SCAI: variants seen among roughly 807,000 people sequenced by gnomAD.
SCAI encodes protein SCAI.
SCAI carries 24 observed loss-of-function variants against 92.2 expected under a neutral mutation model. The observed-to-expected ratio is 0.26, with a 90% CI of 0.19 to 0.37. The LOEUF (loss-of-function observed/expected upper bound fraction) is 0.37, where lower values mean the gene tolerates loss of function less well. Ranked by LOEUF, SCAI falls within the 10% of genes least tolerant of loss-of-function variation. SCAI has a pLI of 1.00. For missense variants in SCAI, 450 were observed against 736.2 expected, an observed-to-expected ratio of 0.61 and a Z score of 4.50; for synonymous variants, 261 against 258.6, an observed-to-expected ratio of 1.01 and a Z score of -0.09.
At chr9:125,013,207 C>T (rs1343065696) in intron 9 of SCAI, among the ~76,000 whole-genome samples, 1 of 149,658 alleles carries the variant, frequency 6.7e-6, no homozygotes, top group African/African-American at 2.5e-5. Context: ...AATAGAGACA[C>T]AAAAAACCCT....
intron 5 of SCAI, among the ~76,000 whole-genome samples, chr9:125,028,088 A>G (rs1832997391): frequency 6.6e-6 from 1 of 152,240 alleles, no homozygotes; most frequent in Non-Finnish European, 1.5e-5. Flanking sequence ...AAGACAAGTG[A>G]AGCTGCAAGA....
chr9:125,078,354 A>C (rs778410578), intron 2 of SCAI, among the ~76,000 whole-genome samples: 17 of 151,642 alleles, frequency 1.1e-4, no homozygotes, highest in Non-Finnish European at 1.9e-4. Context: ...TGATGAAACC[A>C]CATCTCTACC....
intron 2 of SCAI, among the ~76,000 whole-genome samples, chr9:125,060,813 G>A (rs1209145284): frequency 6.6e-6 from 1 of 152,112 alleles, no homozygotes; most frequent in Non-Finnish European, 1.5e-5. Flanking sequence ...CCCAGTCTCA[G>A]GTATGTCTTT....
intron 2 of SCAI, among the ~76,000 whole-genome samples, chr9:125,141,283 CT>C (rs1186641404): frequency 6.6e-6 from 1 of 152,188 alleles, no homozygotes; most frequent in Non-Finnish European, 1.5e-5. Flanking sequence ...TCTGTTGGCA[CT>C]TCCACCATCA....
At chr9:125,047,928 A>T (rs1833478951) in intron 3 of SCAI, among the ~76,000 whole-genome samples, 1 of 152,188 alleles carries the variant, frequency 6.6e-6, no homozygotes, top group African/African-American at 2.4e-5. Context: ...TAGAAAATTT[A>T]AAATAACATT....
intron 2 of SCAI, among the ~76,000 whole-genome samples, chr9:125,110,859 C>T (rs1390884636): frequency 6.6e-6 from 1 of 152,124 alleles, no homozygotes; most frequent in Non-Finnish European, 1.5e-5. Context: ...GCTTTGCCTC[C>T]ACCATGAGTA....
At chr9:125,028,537 A>G in intron 4 of SCAI, 59 bp from the exon 5 acceptor site, 1 of 861,212 alleles carries the variant, frequency 1.2e-6, no homozygotes, top group Non-Finnish European at 1.8e-6. Flanking sequence ...AAACTAATCA[A>G]ATCTGTAAAT....
rs373772048 is a variant in SCAI at position 125,128,750 on chromosome 9, C to T, written c.98+13883G>A. Among the ~76,000 whole-genome samples, 141 of 146,126 alleles carry T rather than the reference C, an allele frequency of 9.6e-4. 1 individual carries two copies. The highest frequency in any genetic ancestry group is 3.4e-3 in the African/African-American group (136 of 39,542). ...CCTGGGCGACAGAGCGAAACTCCGT[C>T]TCAAAAAAAAAAAATAAATAATTGA... On this transcript the variant is annotated intron_variant, in intron 2 of 17. Coordinates refer to ENST00000336505, the MANE Select transcript of SCAI (RefSeq NM_001144877.3).
chr9:125,138,704 G>A (rs1391587501), intron 2 of SCAI, among the ~76,000 whole-genome samples: 14 of 151,960 alleles, frequency 9.2e-5, no homozygotes, highest in Admixed American at 1.3e-4. Flanking sequence ...TTGAGCCATC[G>A]TGCCCGGCCC....
chr9:125,014,310 C>G (rs1390276547), intron 9 of SCAI, among the ~76,000 whole-genome samples: 2 of 152,184 alleles, frequency 1.3e-5, no homozygotes, highest in Admixed American at 6.5e-5. Context: ...TCTCCTTAAG[C>G]TGATAAGCAA....
At chr9:124,954,945 T>C (rs920181861) in intron 17 of SCAI, among the ~76,000 whole-genome samples, 4 of 151,938 alleles carry the variant, frequency 2.6e-5, no homozygotes, top group African/African-American at 9.7e-5. Context: ...GCAGGCGGAT[T>C]ATCTGAGGTC....
At chr9:125,089,652 A>C (rs72765272) in intron 2 of SCAI, among the ~76,000 whole-genome samples, 13,910 of 152,106 alleles carry the variant, frequency 0.091, 851 homozygotes, top group Non-Finnish European at 0.13. Context: ...AGTTTGAGGC[A>C]GTAATCTAGC....
intron 9 of SCAI, among the ~76,000 whole-genome samples, chr9:125,015,256 T>C (rs1808447715): frequency 6.6e-6 from 1 of 151,996 alleles, no homozygotes; most frequent in Non-Finnish European, 1.5e-5. Context: ...ACCTACAAGA[T>C]GGGAGAAAAT....
intron 2 of SCAI, among the ~76,000 whole-genome samples, chr9:125,090,290 A>T (rs546543588): frequency 6.6e-6 from 1 of 152,294 alleles, no homozygotes; most frequent in African/African-American, 2.4e-5. Context: ...ATTTCAAGAA[A>T]GGAGGAGGTA....
chr9:125,141,991 C>T (rs892100549), intron 2 of SCAI, among the ~76,000 whole-genome samples: 2 of 152,120 alleles, frequency 1.3e-5, no homozygotes, highest in South Asian at 2.1e-4. Context: ...GGCATGATCA[C>T]GGCTCACTGC....
At chr9:124,983,608 C>T (rs1831931150) in intron 14 of SCAI, among the ~76,000 whole-genome samples, 1 of 152,270 alleles carries the variant, frequency 6.6e-6, no homozygotes, top group Admixed American at 6.5e-5. Flanking sequence ...CCGCCTCAGC[C>T]TCCCAAAGTG....
intron 2 of SCAI, among the ~76,000 whole-genome samples, chr9:125,127,007 T>G (rs1466618196): frequency 2.6e-5 from 4 of 152,132 alleles, no homozygotes; most frequent in African/African-American, 9.7e-5. Flanking sequence ...ATGAGTGCCT[T>G]TGGCGGGAGC....
rs192718358 is a variant in SCAI at position 125,140,627 on chromosome 9, T to C, written c.98+2006A>G. ...ACAGCACTTTAGTAGGCCAAGGTGG[T>C]TGGATCATTTGAGCCCAGGAGTTTG... On this transcript the variant is annotated intron_variant, in intron 2 of 17. Coordinates refer to ENST00000336505, the MANE Select transcript of SCAI (RefSeq NM_001144877.3). Among the ~76,000 whole-genome samples the C allele has an allele frequency of 1.8e-4, 26 of 146,814 alleles. No homozygotes were observed. The East Asian group carries it at 5.1e-3, about 29-fold the overall frequency.
intron 2 of SCAI, among the ~76,000 whole-genome samples, chr9:125,137,363 C>G (rs1835561457): frequency 6.6e-6 from 1 of 152,178 alleles, no homozygotes; most frequent in South Asian, 2.1e-4. Context: ...TGGAGAATTA[C>G]TAAAGGATTT....
Sources: allele counts gnomAD v4.1 joint callset (sites outside exome capture counted in the v4.1 genomes callset), GRCh38; gene constraint gnomAD v4.1.1; transcripts MANE v1.5; gene names NCBI Gene and HGNC (gene_info 2026-07-23, HGNC 2026-07-21).